GLIS3: variants seen among roughly 807,000 people sequenced by gnomAD.
GLIS3 encodes the protein zinc finger protein GLIS3.
Under a neutral mutation model 78.6 loss-of-function variants are expected in GLIS3, and 53 were observed. The observed-to-expected ratio is 0.67, with a 90% CI of 0.54 to 0.85. The LOEUF (loss-of-function observed/expected upper bound fraction) is 0.85, where lower values mean the gene tolerates loss of function less well. Among genes scored for constraint, GLIS3 ranks in the 40% least tolerant of loss-of-function variants. The probability of loss-of-function intolerance (pLI) is 0.00; values close to 1 mark genes in which losing one functional copy is unlikely to be tolerated. For missense variants in GLIS3, 1,703 were observed against 1,231.1 expected (o/e 1.38, Z -5.74); for synonymous variants, 684 against 509.9 (o/e 1.34, Z -4.60).
intron 8 of GLIS3, among the ~76,000 whole-genome samples, chr9:3,860,018 G>A (rs772278657): frequency 5.3e-5 from 8 of 151,874 alleles, no homozygotes; most frequent in Non-Finnish European, 1.2e-4. Flanking sequence ...GCTCACGCCT[G>A]TAATCCCAGC....
the GLIS3 span, among the ~76,000 whole-genome samples, chr9:4,364,449 A>C: frequency 1.3e-5 from 2 of 152,156 alleles, no homozygotes; most frequent in African/African-American, 2.4e-5. Context: ...AATAAATGAT[A>C]ATATTTTCAG....
intron 4 of GLIS3, among the ~76,000 whole-genome samples, chr9:4,092,285 G>A (rs2130759251): frequency 6.6e-6 from 1 of 151,654 alleles, no homozygotes; most frequent in Admixed American, 6.6e-5. Context: ...CCGAGTAGCT[G>A]GGACTACAGG....
At chr9:4,339,366 T>C (rs2130580745) in intron 2 of GLIS3, among the ~76,000 whole-genome samples, 1 of 152,306 alleles carries the variant, frequency 6.6e-6, no homozygotes, top group East Asian at 1.9e-4. Flanking sequence ...GTTCATGAAA[T>C]ACATGCTTCA....
upstream of GLIS3, among the ~76,000 whole-genome samples, chr9:4,300,870 A>G (rs1465340387): frequency 6.6e-6 from 1 of 152,110 alleles, no homozygotes; most frequent in African/African-American, 2.4e-5. Flanking sequence ...AATATCCTCC[A>G]GGTAGGCCTT....
At chr9:3,896,838 CA>C (rs1274172040) in intron 7 of GLIS3, among the ~76,000 whole-genome samples, 2 of 151,980 alleles carry the variant, frequency 1.3e-5, no homozygotes, top group Non-Finnish European at 2.9e-5. Flanking sequence ...ATGGCTGGAG[CA>C]ACTTAGGTAT....
At chr9:4,176,382 C>G (rs904629341) in intron 2 of GLIS3, among the ~76,000 whole-genome samples, 63 of 152,274 alleles carry the variant, frequency 4.1e-4, no homozygotes, top group African/African-American at 1.4e-3. Context: ...TGGAAACATT[C>G]AGCTTATATT....
chr9:3,855,527 C>A, intron 9 of GLIS3: 1 of 186,212 alleles, frequency 5.4e-6, no homozygotes, highest in Non-Finnish European at 1.1e-5. Context: ...GATATAAAAT[C>A]AGAGTTTAGA....
chr9:3,837,399 T>C (rs1818419492), intron 9 of GLIS3, among the ~76,000 whole-genome samples: 2 of 152,228 alleles, frequency 1.3e-5, no homozygotes, highest in South Asian at 4.1e-4. Context: ...ACCATAGGAT[T>C]CAGCAATTGT....
the GLIS3 span, among the ~76,000 whole-genome samples, chr9:4,408,968 C>G: frequency 2.6e-5 from 4 of 151,674 alleles, no homozygotes; most frequent in East Asian, 1.9e-4. Flanking sequence ...ATACATACAC[C>G]CACTATGTAC....
At chr9:4,109,755 C>T (rs1432384918) in intron 4 of GLIS3, among the ~76,000 whole-genome samples, 2 of 152,144 alleles carry the variant, frequency 1.3e-5, no homozygotes, top group East Asian at 3.9e-4. Flanking sequence ...GCCTCACTTC[C>T]ACTCCTACCT....
At chr9:4,483,996 G>A in the GLIS3 span, among the ~76,000 whole-genome samples, 1 of 152,220 alleles carries the variant, frequency 6.6e-6, no homozygotes, top group Non-Finnish European at 1.5e-5. Context: ...GTGCTTAGAA[G>A]AGCGCCTGGT....
intron 4 of GLIS3, among the ~76,000 whole-genome samples, chr9:4,078,189 A>G (rs1002212185): frequency 8.5e-5 from 13 of 152,190 alleles, no homozygotes; most frequent in African/African-American, 3.1e-4. Context: ...CAGTGGTCTT[A>G]AAATCATTTT....
At chr9:4,324,001 C>A (rs1396952996) in intron 2 of GLIS3, among the ~76,000 whole-genome samples, 1 of 152,178 alleles carries the variant, frequency 6.6e-6, no homozygotes, top group African/African-American at 2.4e-5. Flanking sequence ...GATATTAGGT[C>A]TGTTTCTGGT....
chr9:4,003,670 T>C (rs931862446), intron 4 of GLIS3, among the ~76,000 whole-genome samples: 7 of 152,176 alleles, frequency 4.6e-5, no homozygotes, highest in African/African-American at 1.7e-4. Flanking sequence ...GCTCAAAGAA[T>C]TGCTAAAAGA....
chr9:3,860,058 G>A (rs563649809), intron 8 of GLIS3, among the ~76,000 whole-genome samples: 7 of 152,034 alleles, frequency 4.6e-5, no homozygotes, highest in African/African-American at 1.2e-4. Context: ...GGTGGATCAC[G>A]ACGTCAGGAG....
chr9:3,918,356 C>T (rs77048420), intron 6 of GLIS3, among the ~76,000 whole-genome samples: 289 of 152,250 alleles, frequency 1.9e-3, no homozygotes, highest in African/African-American at 6.6e-3. Context: ...TCTTTCTGAA[C>T]TATCTTTTCA....
the GLIS3 span, among the ~76,000 whole-genome samples, chr9:4,358,808 GA>G: frequency 6.6e-6 from 1 of 152,230 alleles, no homozygotes; most frequent in Non-Finnish European, 1.5e-5. Context: ...GTAAGCAGAT[GA>G]GGTGTGTAAA....
chr9:4,410,543 GAATT>G, the GLIS3 span, among the ~76,000 whole-genome samples: 1 of 152,152 alleles, frequency 6.6e-6, no homozygotes, highest in African/African-American at 2.4e-5. Context: ...AAATTTTACT[GAATT>G]TATTAAAAAC....
At chr9:4,233,501 T>C (rs969985016) in intron 2 of GLIS3, among the ~76,000 whole-genome samples, 1 of 152,218 alleles carries the variant, frequency 6.6e-6, no homozygotes, top group African/African-American at 2.4e-5. Flanking sequence ...TCTTTCTTTT[T>C]TGAGCAGTAG....
Sources: gnomAD v4.1 joint callset for allele counts (sites outside exome capture counted in the v4.1 genomes callset) on GRCh38, gnomAD v4.1.1 for gene constraint, MANE v1.5 for transcripts, NCBI Gene and HGNC (gene_info 2026-07-23, HGNC 2026-07-21) for gene names.